THSD7B: variants seen among roughly 807,000 people sequenced by gnomAD.
The protein encoded by THSD7B is thrombospondin type-1 domain-containing protein 7B.
Under a neutral mutation model 213.6 loss-of-function variants are expected in THSD7B, and 138 were observed. The ratio of observed to expected loss-of-function variants is 0.65; its 90% CI spans 0.56 to 0.74. THSD7B has a LOEUF of 0.74. Ranked by LOEUF, THSD7B falls within the 30% of genes least tolerant of loss-of-function variation. The probability of loss-of-function intolerance (pLI) is 0.00; values close to 1 mark genes in which losing one functional copy is unlikely to be tolerated. For missense variants in THSD7B, 1,931 were observed against 1,991.5 expected (o/e 0.97, Z 0.58); for synonymous variants, 742 against 687.0 (o/e 1.08, Z -1.25).
At chr2:136,971,219 A>G (rs753296533) in intron 2 of THSD7B, among the ~76,000 whole-genome samples, 31 of 152,208 alleles carry the variant, frequency 2.0e-4, no homozygotes, top group Admixed American at 7.2e-4. Flanking sequence ...ACGAGTACCC[A>G]TGAAGGGTAC....
chr2:137,116,390 A>G (rs368461196), intron 5 of THSD7B, among the ~76,000 whole-genome samples: 160 of 152,340 alleles, frequency 1.1e-3, no homozygotes, highest in African/African-American at 3.7e-3. Flanking sequence ...ACATGACTAT[A>G]GTTACTCCTC....
chr2:137,231,132 G>A lies in THSD7B; in HGVS notation c.1812G>A (p.Leu604=). The A allele has an allele frequency of 6.2e-7, 1 of 1,613,828 alleles. No homozygotes were observed. The highest frequency in any genetic ancestry group is 8.5e-7 in the Non-Finnish European group (1 of 1,179,796). ...TTCCCTGCCGAATGGACTGTGTGCTGAGCGAGTGGACGGAGTGGTCATCCT... is the reference window on the plus strand; with the variant it reads ...TTCCCTGCCGAATGGACTGTGTGCTAAGCGAGTGGACGGAGTGGTCATCCT... ...CEIPCRMDCV[L]SEWTEWSSCS... Residue 604 remains leucine, a synonymous_variant, in exon 8 of 28, where the codon CTG becomes CTA. Coordinates refer to ENST00000409968, the MANE Select transcript of THSD7B (RefSeq NM_001316349.2).
intron 6 of THSD7B, among the ~76,000 whole-genome samples, chr2:137,164,152 C>T (rs1424190121): frequency 6.6e-6 from 1 of 152,040 alleles, no homozygotes; most frequent in East Asian, 1.9e-4. Context: ...GGAAAAGAGG[C>T]TGCAGTTGTG....
chr2:137,395,264 G>A (rs1325283977), intron 12 of THSD7B, among the ~76,000 whole-genome samples: 1 of 147,050 alleles, frequency 6.8e-6, no homozygotes, highest in South Asian at 2.2e-4. Context: ...AATGCTTCCA[G>A]TTTTTGCCCA....
intron 2 of THSD7B, among the ~76,000 whole-genome samples, chr2:136,926,700 AAAAAG>A (rs1684533158): frequency 6.9e-5 from 2 of 28,778 alleles, no homozygotes; most frequent in African/African-American, 3.6e-4. Flanking sequence ...TCTGAAAAAG[AAAAAG>A]AAAAAAAAAA....
intron 1 of THSD7B, among the ~76,000 whole-genome samples, chr2:136,867,975 T>G (rs1215785619): frequency 1.3e-5 from 2 of 152,162 alleles, no homozygotes; most frequent in African/African-American, 4.8e-5. Context: ...AAATTGGAGA[T>G]AGATAATATG....
chr2:137,294,583 C>CAAAAAAAAAAAAAAAAAAAAA (rs1210363889), intron 12 of THSD7B, among the ~76,000 whole-genome samples: 19 of 73,222 alleles, frequency 2.6e-4, no homozygotes, highest in African/African-American at 7.9e-4. Context: ...AACTCCATCT[C>CAAAAAAAAAAAAAAAAAAAAA]AAAAAAAAAA....
chr2:137,489,433 A>C (rs1688556827), intron 15 of THSD7B, among the ~76,000 whole-genome samples: 1 of 152,034 alleles, frequency 6.6e-6, no homozygotes. Flanking sequence ...AAAAAAAAGA[A>C]AAAAAAGAAA....
chr2:137,375,614 G>A (rs1231631539), intron 12 of THSD7B, among the ~76,000 whole-genome samples: 3 of 152,166 alleles, frequency 2.0e-5, no homozygotes, highest in African/African-American at 7.2e-5. Context: ...ACTACAAAAT[G>A]ATCCTCTGAA....
At chr2:136,983,615 AT>A (rs1685625440) in intron 2 of THSD7B, among the ~76,000 whole-genome samples, 1 of 152,162 alleles carries the variant, frequency 6.6e-6, no homozygotes, top group Non-Finnish European at 1.5e-5. Context: ...AAATCTGCAA[AT>A]GGAATCAACA....
At chr2:137,213,080 T>C (rs1045696305) in intron 7 of THSD7B, among the ~76,000 whole-genome samples, 1 of 150,096 alleles carries the variant, frequency 6.7e-6, no homozygotes, top group Admixed American at 6.6e-5. Flanking sequence ...GTATGTAATA[T>C]TTTGTAAGCC....
intron 17 of THSD7B, among the ~76,000 whole-genome samples, chr2:137,583,188 G>GT (rs896754544): frequency 1.3e-5 from 2 of 151,732 alleles, no homozygotes; most frequent in African/African-American, 2.4e-5. Flanking sequence ...TGATGGGCTT[G>GT]TTTTTTTTCT....
At position 137,225,630 on chromosome 2, in the gene THSD7B, A is replaced by G. The variant is rs563869045; in HGVS notation, c.1724-5414A>G. ...ATAGTGCCAAACTAATGATATTAATATGAATATTCAGTGAAATACTGCATG... is the reference window on the plus strand; with the variant it reads ...ATAGTGCCAAACTAATGATATTAATGTGAATATTCAGTGAAATACTGCATG... On this transcript the variant is annotated intron_variant, in intron 7 of 27. Transcript: ENST00000409968. 1.7e-4 allele frequency among the ~76,000 whole-genome samples: 26 copies of G among 152,298 alleles called. 2 individuals carry two copies. In the South Asian group the frequency reaches 5.2e-3, roughly 30 times the overall value.
At chr2:136,880,956 C>G (rs1236528552) in intron 1 of THSD7B, among the ~76,000 whole-genome samples, 1 of 152,124 alleles carries the variant, frequency 6.6e-6, no homozygotes, top group Non-Finnish European at 1.5e-5. Flanking sequence ...TACAATTTGG[C>G]TCCCAACCTA....
intron 12 of THSD7B, among the ~76,000 whole-genome samples, chr2:137,398,420 G>T (rs1302883015): frequency 4.7e-5 from 7 of 150,004 alleles, no homozygotes; most frequent in African/African-American, 1.5e-4. Flanking sequence ...GGAATACCCT[G>T]CTGTGTGAGG....
At chr2:137,578,661 C>T (rs74339050) in intron 17 of THSD7B, among the ~76,000 whole-genome samples, 8,110 of 152,202 alleles carry the variant, frequency 0.053, 280 homozygotes, top group Middle Eastern at 0.082. Context: ...AGACACCAGC[C>T]CCCACCCCAC....
At chr2:137,412,245 T>G (rs1485314218) in intron 14 of THSD7B, among the ~76,000 whole-genome samples, 1 of 150,976 alleles carries the variant, frequency 6.6e-6, no homozygotes, top group African/African-American at 2.4e-5. Context: ...CATCAGAACT[T>G]GAGTGTCTTC....
chr2:137,134,495 G>A (rs914777963), intron 5 of THSD7B, among the ~76,000 whole-genome samples: 9 of 152,158 alleles, frequency 5.9e-5, no homozygotes, highest in African/African-American at 2.2e-4. Context: ...CAGCAGTCCA[G>A]AGGATGAGGA....
intron 12 of THSD7B, among the ~76,000 whole-genome samples, chr2:137,339,872 T>C (rs1249421437): frequency 1.3e-5 from 2 of 151,508 alleles, no homozygotes; most frequent in Non-Finnish European, 3.0e-5. Context: ...GGGAAAAGAA[T>C]GGCCTTTTTT....
Sources: gnomAD v4.1 joint callset for allele counts (sites outside exome capture counted in the v4.1 genomes callset) on GRCh38, gnomAD v4.1.1 for gene constraint, MANE v1.5 for transcripts, NCBI Gene and HGNC (gene_info 2026-07-23, HGNC 2026-07-21) for gene names.